Variants in RBM12B observed in about 807,000 individuals in gnomAD.
RBM12B encodes RNA binding motif protein 12B, also known as RNA-binding protein 12B.
A neutral mutation model predicts 34.3 loss-of-function variants in RBM12B; 10 were observed. That is an observed-to-expected ratio of 0.29 (90% CI 0.18 to 0.49). The LOEUF (loss-of-function observed/expected upper bound fraction) is 0.49, where lower values mean the gene tolerates loss of function less well. Ranked by LOEUF, RBM12B falls within the 20% of genes least tolerant of loss-of-function variation. The pLI, the probability that RBM12B is intolerant of heterozygous loss-of-function variation, is 0.99. For synonymous variants in RBM12B, 477 were observed against 437.1 expected, an observed-to-expected ratio of 1.09 and a Z score of -1.14; for missense variants, 1,139 against 1,262.7, an observed-to-expected ratio of 0.90 and a Z score of 1.48.
In RBM12B at chr8:93,734,824, A is replaced by C; in HGVS notation, c.1587T>G (p.His529Gln). The change falls in exon 4 of 4, where the codon CAT (histidine) becomes CAG (glutamine). Residue 529 changes from histidine to glutamine, a missense_variant. By Grantham distance (24) the His-to-Gln change is conservative (BLOSUM62 0). Around this residue, in one of 3 missense-constraint regions of RBM12B, gnomAD observed 863 missense variants for 869.5 expected, o/e 0.99. Transcript: ENST00000520560. ...YSVGAFENFR[H>Q]QLEDLRQLDN... Reference sequence around the variant, plus strand: ...CCAGTTGCCTCAAGTCCTCTAGCTGATGTCTAAAGTTTTCAAAAGCACCAA... The same window carrying C: ...CCAGTTGCCTCAAGTCCTCTAGCTGCTGTCTAAAGTTTTCAAAAGCACCAA... The C allele has an allele frequency of 6.2e-7, 1 of 1,614,136 alleles. No homozygotes were observed. Among genetic ancestry groups the C allele is most frequent in the Non-Finnish European group, 8.5e-7 (1 of 1,180,024 alleles).
intron 2 of RBM12B, chr8:93,740,314 G>A: frequency 2.2e-6 from 1 of 457,214 alleles, no homozygotes; most frequent in South Asian, 1.5e-5. Flanking sequence ...CGATTCTACA[G>A]CCCAAAGCCT....
rs1382962355 is a variant in RBM12B, at chr8:93,734,348, T to C, written c.2063A>G (p.Gln688Arg). ...PPEEDFRRPL[Q>R]GEWRRPPEDD... ...CTCGGGTGGTCGCCTCCATTCTCCCTGAAGAGGCCGCCTAAAGTCCTCCTC... is the reference window on the plus strand; with the variant it reads ...CTCGGGTGGTCGCCTCCATTCTCCCCGAAGAGGCCGCCTAAAGTCCTCCTC... Residue 688 changes from glutamine to arginine, a missense_variant, in exon 4 of 4, where the codon CAG becomes CGG. Coordinates refer to ENST00000520560, the MANE Select transcript of RBM12B (RefSeq NM_001377960.1). The C allele has an allele frequency of 4.3e-6, 7 of 1,610,720 alleles. No homozygotes were observed. Among genetic ancestry groups the C allele is most frequent in the Non-Finnish European group, 5.9e-6 (7 of 1,178,984 alleles).
chr8:93,735,605 T>C lies in RBM12B; in HGVS notation c.806A>G (p.His269Arg). ...INDRHFRKRS[H>R]SKSPRRTRSR... Reference sequence around the variant, plus strand: ...ACGTGTTCTTCTGGGAGATTTTGAATGAGACCGTTTTCGAAAATGTCTATC... The same window carrying C: ...ACGTGTTCTTCTGGGAGATTTTGAACGAGACCGTTTTCGAAAATGTCTATC... The change falls in exon 4 of 4, where the codon CAT (histidine) becomes CGT (arginine). Residue 269 changes from histidine to arginine, a missense_variant. Around this residue, in one of 3 missense-constraint regions of RBM12B, gnomAD observed 863 missense variants for 869.5 expected, o/e 0.99. Transcript: ENST00000520560. The C allele has an allele frequency of 6.2e-7, 1 of 1,614,192 alleles. No homozygotes were observed. Among genetic ancestry groups the C allele is most frequent in the South Asian group, 1.1e-5 (1 of 91,082 alleles).
At position 93,729,247 on chromosome 8, in the gene RBM12B, C is replaced by T. The variant is rs1811690004; in HGVS notation, c.*4158G>A. On this transcript the variant is annotated 3_prime_UTR_variant, in exon 4 of 4. Transcript: ENST00000520560. The stretch of plus-strand genomic sequence containing the variant: ...AGAAAAATAAAGACTTTCTAGAAAG[C>T]TTCTGACTTTGTCAATCATGGCTCT... 6.6e-6 allele frequency: 1 copy of T among 152,020 alleles called. No homozygotes were observed. Among genetic ancestry groups the T allele is most frequent in the African/African-American group, 2.4e-5 (1 of 41,416 alleles). The allele number at this position is 152,020 out of a possible 1,614,324, so 9.4% of individuals were successfully genotyped here.
chr8:93,728,345 C>G lies in RBM12B; in HGVS notation c.*5060G>C, dbSNP rs55726543. ...ATAAATGACTTGAAATCCACAATGA[C>G]TAAATTGTAGAACTTTATACTCACT... On this transcript the variant is annotated 3_prime_UTR_variant, in exon 4 of 4. Coordinates refer to ENST00000520560, the MANE Select transcript of RBM12B (RefSeq NM_001377960.1). 0.026 allele frequency: 32,760 copies of G among 1,237,004 alleles called. 542 individuals carry two copies. Among genetic ancestry groups the G allele is most frequent in the Non-Finnish European group, 0.031 (27,210 of 866,894 alleles). 76.6% of individuals were successfully genotyped at this position (1,237,004 alleles called of 1,614,324 possible). A position where few individuals can be genotyped will look rare whatever the true frequency, so the allele number is the denominator to read the frequency against.
rs1423715020 is a variant in RBM12B, at chr8:93,730,190, T to C, written c.*3215A>G. 1 of 152,176 alleles carries C rather than the reference T, an allele frequency of 6.6e-6. No homozygotes were observed. The highest frequency in any genetic ancestry group is 1.9e-4 in the East Asian group (1 of 5,200). The allele number at this position is 152,176 out of a possible 1,614,324, so 9.4% of individuals were successfully genotyped here. ...TTAATTCATACATAATTATACATCA[T>C]ATAGTATCTAATACAGCTCAATAAA... On this transcript the variant is annotated 3_prime_UTR_variant, in exon 4 of 4. Transcript: ENST00000520560.
At position 93,733,730 on chromosome 8, in the gene RBM12B, C is replaced by T; in HGVS notation, c.2681G>A (p.Gly894Asp). The change falls in exon 4 of 4, where the codon GGC becomes GAC. Residue 894 changes from glycine to aspartate, a missense_variant. Coordinates refer to ENST00000520560, the MANE Select transcript of RBM12B (RefSeq NM_001377960.1). ...PFVNFGRPEG[G>D]KFDFGKHNMG... is the part of the protein sequence containing the mutation. ...ATTATGCTTTCCAAAATCAAACTTG[C>T]CACCTTCTGGGCGACCAAAATTCAC... 1 of 1,614,122 alleles carries T rather than the reference C, an allele frequency of 6.2e-7. No individual in the cohort carries two copies.
intron 2 of RBM12B, 127 bp from the exon 3 acceptor site, chr8:93,737,482 G>A (rs1209564738): frequency 2.6e-5 from 4 of 152,030 alleles, no homozygotes; most frequent in Admixed American, 2.0e-4. Flanking sequence ...CCACAATTAC[G>A]GGTGTTACAA....
Position 93,729,729 on chromosome 8 carries a change from T to C in RBM12B, c.*3676A>G, listed in dbSNP as rs998973566. On this transcript the variant is annotated 3_prime_UTR_variant, in exon 4 of 4. Transcript: ENST00000520560. ...GTTATTCTTCGTGGGTTTAGGCAAATTCAAGACTATTATACAGGTAACTAT... is the reference window on the plus strand; with the variant it reads ...GTTATTCTTCGTGGGTTTAGGCAAACTCAAGACTATTATACAGGTAACTAT... 6.6e-6 allele frequency: 1 copy of C among 152,166 alleles called. No homozygotes were observed. Among genetic ancestry groups the C allele is most frequent in the Non-Finnish European group, 1.5e-5 (1 of 68,020 alleles). The allele number at this position is 152,166 out of a possible 1,614,324, so 9.4% of individuals were successfully genotyped here.
Position 93,733,359 on chromosome 8 carries a change from C to A in RBM12B, c.*46G>T. ...TTTTTAAAACAAATGTATTTTACTCCATCAATACTGCAAGGAAGATAACTG... is the reference window on the plus strand; with the variant it reads ...TTTTTAAAACAAATGTATTTTACTCAATCAATACTGCAAGGAAGATAACTG... On this transcript the variant is annotated 3_prime_UTR_variant, in exon 4 of 4. Coordinates refer to ENST00000520560, the MANE Select transcript of RBM12B (RefSeq NM_001377960.1). 1 of 1,430,308 alleles carries A rather than the reference C, an allele frequency of 7.0e-7. No individual in the cohort carries two copies. 88.6% of individuals were successfully genotyped at this position (1,430,308 alleles called of 1,614,324 possible). A position where few individuals can be genotyped will look rare whatever the true frequency, so the allele number is the denominator to read the frequency against.
In RBM12B at chr8:93,729,307, C is replaced by T. The variant is rs1436810442; in HGVS notation, c.*4098G>A. On this transcript the variant is annotated 3_prime_UTR_variant, in exon 4 of 4. Coordinates refer to ENST00000520560, the MANE Select transcript of RBM12B (RefSeq NM_001377960.1). ...AAAGCACTCCTTCCTGAGAATAGTC[C>T]TAAGTGACAAAGTTGTTTCAGTACT... The T allele has an allele frequency of 6.6e-6, 1 of 152,020 alleles. No individual in the cohort carries two copies. The highest frequency in any genetic ancestry group is 1.5e-5 in the Non-Finnish European group (1 of 67,958). The allele number at this position is 152,020 out of a possible 1,614,324, so 9.4% of individuals were successfully genotyped here. A position where few individuals can be genotyped will look rare whatever the true frequency, so the allele number is the denominator to read the frequency against.
chr8:93,732,747 TTTC>T lies in RBM12B; in HGVS notation c.*655_*657del, dbSNP rs1257802945. The T allele has an allele frequency of 3.9e-5, 6 of 152,348 alleles. No homozygotes were observed. The highest frequency in any genetic ancestry group is 8.8e-5 in the Non-Finnish European group (6 of 68,022). The allele number at this position is 152,348 out of a possible 1,614,324, so 9.4% of individuals were successfully genotyped here. On this transcript the variant is annotated 3_prime_UTR_variant, in exon 4 of 4. Transcript: ENST00000520560. ...TCACAATATCGAGCTGCAATTCTTT[TTTC>T]TTTTTATACAAATACAAGTTAATTA...
chr8:93,737,027 G>A lies in RBM12B; in HGVS notation c.-29+280C>T, dbSNP rs567991051. Among the ~76,000 whole-genome samples the A allele has an allele frequency of 2.0e-5, 3 of 152,250 alleles. No homozygotes were observed. In the South Asian group the frequency reaches 6.2e-4, roughly 32 times the overall value. ...TCAAGACCAGCCTTGGCAACAGAGC[G>A]AGAGCCCGTCTCTAAAAAGAAAAAA... On this transcript the variant is annotated intron_variant, in intron 3 of 3. Transcript: ENST00000520560.
At chr8:93,737,032 C>G (rs1356053013) in intron 3 of RBM12B, among the ~76,000 whole-genome samples, 1 of 152,156 alleles carries the variant, frequency 6.6e-6, no homozygotes, top group Non-Finnish European at 1.5e-5. Flanking sequence ...AGAGCGAGAG[C>G]CCGTCTCTAA....
Position 93,729,001 on chromosome 8 carries a change from T to C in RBM12B, c.*4404A>G, listed in dbSNP as rs1811679688. The C allele has an allele frequency of 6.6e-6, 1 of 152,128 alleles. No individual in the cohort carries two copies. The highest frequency in any genetic ancestry group is 2.4e-5 in the African/African-American group (1 of 41,450). The allele number at this position is 152,128 out of a possible 1,614,324, so 9.4% of individuals were successfully genotyped here. On this transcript the variant is annotated 3_prime_UTR_variant, in exon 4 of 4. Coordinates refer to ENST00000520560, the MANE Select transcript of RBM12B (RefSeq NM_001377960.1). ...CCTCATCATAGAACACCATAGATCA[T>C]TAAAAATTCTATAAAAATTTTACCA...
In RBM12B at chr8:93,732,387, C is replaced by G. The variant is rs148618129; in HGVS notation, c.*1018G>C. On this transcript the variant is annotated 3_prime_UTR_variant, in exon 4 of 4. Coordinates refer to ENST00000520560, the MANE Select transcript of RBM12B (RefSeq NM_001377960.1). ...TCAAAGAAGTCAAAATTCAACCACA[C>G]AAGTCTTAACAGTTATAGAGTCTTT... 33 of 152,278 alleles carry G rather than the reference C, an allele frequency of 2.2e-4. No homozygotes were observed. The East Asian group carries it at 6.2e-3, about 28-fold the overall frequency. 9.4% of individuals were successfully genotyped at this position (152,278 alleles called of 1,614,324 possible). A position where few individuals can be genotyped will look rare whatever the true frequency, so the allele number is the denominator to read the frequency against.
At chr8:93,739,681 G>A (rs1812132478) in intron 2 of RBM12B, among the ~76,000 whole-genome samples, 1 of 152,180 alleles carries the variant, frequency 6.6e-6, no homozygotes, top group South Asian at 2.1e-4. Flanking sequence ...AAAATTTTGC[G>A]TTTTTCTAGT....
At position 93,735,272 on chromosome 8, in the gene RBM12B, C is replaced by G; in HGVS notation, c.1139G>C (p.Arg380Thr). The G allele has an allele frequency of 2.5e-6, 4 of 1,614,028 alleles. No homozygotes were observed. Among genetic ancestry groups the G allele is most frequent in the Non-Finnish European group, 3.4e-6 (4 of 1,180,012 alleles). ...YEKKRSGSLERDRPGHVSQKY... is the reference protein window; with the variant it reads ...YEKKRSGSLETDRPGHVSQKY... Reference sequence around the variant, plus strand: ...TTGTGAAACATGTCCGGGCCTATCTCTCTCTAGTGACCCTGATCTCTTCTT... The same window carrying G: ...TTGTGAAACATGTCCGGGCCTATCTGTCTCTAGTGACCCTGATCTCTTCTT... The change falls in exon 4 of 4, where the codon AGA (arginine) becomes ACA (threonine). Residue 380 changes from arginine (R) to threonine (T), a missense_variant. This residue lies in a region of RBM12B where 863 missense variants were observed against 869.5 expected (regional missense o/e 0.99). Transcript: ENST00000520560.
At position 93,729,675 on chromosome 8, in the gene RBM12B, A is replaced by T. The variant is rs897526198; in HGVS notation, c.*3730T>A. On this transcript the variant is annotated 3_prime_UTR_variant, in exon 4 of 4. Coordinates refer to ENST00000520560, the MANE Select transcript of RBM12B (RefSeq NM_001377960.1). ...TATTTAGACCAGCCTAGGTTGGCAA[A>T]CTTCTTAAAGGGCCAGATAGCAAAT... 1.3e-5 allele frequency: 2 copies of T among 152,184 alleles called. No individual in the cohort carries two copies. Among genetic ancestry groups the T allele is most frequent in the Non-Finnish European group, 2.9e-5 (2 of 68,018 alleles). 9.4% of individuals were successfully genotyped at this position (152,184 alleles called of 1,614,324 possible). A position where few individuals can be genotyped will look rare whatever the true frequency, so the allele number is the denominator to read the frequency against.
Sources: allele counts gnomAD v4.1 joint callset (sites outside exome capture counted in the v4.1 genomes callset), GRCh38; gene constraint gnomAD v4.1.1; regional missense constraint gnomAD v4.1.1; transcripts MANE v1.5; gene names NCBI Gene and HGNC (gene_info 2026-07-23, HGNC 2026-07-21).